TMEM117: variants seen among roughly 807,000 people sequenced by gnomAD.
The protein encoded by TMEM117 is transmembrane protein 117.
A neutral mutation model predicts 52.4 loss-of-function variants in TMEM117; 27 were observed. That is an observed-to-expected ratio of 0.51 (90% CI 0.38 to 0.71). The LOEUF (loss-of-function observed/expected upper bound fraction) is 0.71, where lower values mean the gene tolerates loss of function less well. Among genes scored for constraint, TMEM117 ranks in the 30% least tolerant of loss-of-function variants. The pLI, the probability that TMEM117 is intolerant of heterozygous loss-of-function variation, is 0.00. For synonymous variants in TMEM117, 215 were observed against 206.3 expected (o/e 1.04, Z -0.36); for missense variants, 556 against 630.5 (o/e 0.88, Z 1.26).
intron 3 of TMEM117, among the ~76,000 whole-genome samples, chr12:44,089,594 A>C (rs528302308): frequency 6.6e-6 from 1 of 152,210 alleles, no homozygotes; most frequent in South Asian, 2.1e-4. Context: ...ACTTTTGCTC[A>C]TGTGACTCTC....
intron 6 of TMEM117, among the ~76,000 whole-genome samples, chr12:44,356,836 T>G (rs936643336): frequency 6.6e-6 from 1 of 152,158 alleles, no homozygotes; most frequent in African/African-American, 2.4e-5. Context: ...AATAGCTTCT[T>G]AACACAAGAC....
chr12:44,363,025 A>G (rs1951743095), intron 6 of TMEM117, among the ~76,000 whole-genome samples: 1 of 151,892 alleles, frequency 6.6e-6, no homozygotes, highest in Non-Finnish European at 1.5e-5. Context: ...GCTGTGGTTT[A>G]ATGAGAGACA....
chr12:44,173,617 TATTATC>T (rs1949079545), intron 4 of TMEM117, among the ~76,000 whole-genome samples: 1 of 146,316 alleles, frequency 6.8e-6, no homozygotes, highest in African/African-American at 2.8e-5. Context: ...GAACCTTTCT[TATTATC>T]AGTAGGTTCT....
chr12:44,380,848 G>C (rs1338483002), intron 7 of TMEM117, among the ~76,000 whole-genome samples: 1 of 152,056 alleles, frequency 6.6e-6, no homozygotes, highest in Non-Finnish European at 1.5e-5. Context: ...CCACTATTCT[G>C]AGTTTTCTAC....
chr12:43,896,215 C>T (rs1614042), intron 2 of TMEM117, among the ~76,000 whole-genome samples: 109,073 of 152,116 alleles, frequency 0.72, 42,207 homozygotes, highest in East Asian at 0.87. Flanking sequence ...GTGTATGAGG[C>T]ACTGGAGATA....
chr12:44,092,961 T>G (rs1947698847), intron 3 of TMEM117, among the ~76,000 whole-genome samples: 1 of 151,974 alleles, frequency 6.6e-6, no homozygotes, highest in South Asian at 2.1e-4. Flanking sequence ...TAGTTTGGAG[T>G]GGGGTTTGGA....
At chr12:44,150,047 G>C (rs903443413) in intron 4 of TMEM117, among the ~76,000 whole-genome samples, 1 of 152,268 alleles carries the variant, frequency 6.6e-6, no homozygotes, top group African/African-American at 2.4e-5. Flanking sequence ...CTCTTTTGCT[G>C]TCTTTCTCTG....
At chr12:43,905,113 A>T (rs1944363809) in intron 2 of TMEM117, among the ~76,000 whole-genome samples, 1 of 151,674 alleles carries the variant, frequency 6.6e-6, no homozygotes, top group Non-Finnish European at 1.5e-5. Context: ...ATTGCACTCC[A>T]CCCTGGGCAA....
At chr12:44,377,568 G>A (rs1165594562) in intron 7 of TMEM117, among the ~76,000 whole-genome samples, 1 of 152,022 alleles carries the variant, frequency 6.6e-6, no homozygotes, top group Non-Finnish European at 1.5e-5. Flanking sequence ...ATCTAAAAAG[G>A]GCTTCCCGGA....
At chr12:44,344,057 G>C (rs1164953589) in intron 6 of TMEM117, among the ~76,000 whole-genome samples, 1 of 152,106 alleles carries the variant, frequency 6.6e-6, no homozygotes, top group African/African-American at 2.4e-5. Flanking sequence ...GTAATGGGTG[G>C]TAAATATCAA....
chr12:44,347,494 T>C (rs1353475923), intron 6 of TMEM117, among the ~76,000 whole-genome samples: 1 of 152,104 alleles, frequency 6.6e-6, no homozygotes, highest in African/African-American at 2.4e-5. Context: ...TTTTGTTATG[T>C]AGGAAACTTC....
chr12:44,102,749 G>A (rs1172070434), intron 3 of TMEM117, among the ~76,000 whole-genome samples: 1 of 151,906 alleles, frequency 6.6e-6, no homozygotes, highest in Non-Finnish European at 1.5e-5. Flanking sequence ...ATATGGTTTG[G>A]CTGTGTCCCC....
At chr12:43,940,327 C>G (rs565648762) in intron 2 of TMEM117, among the ~76,000 whole-genome samples, 1 of 152,314 alleles carries the variant, frequency 6.6e-6, no homozygotes, top group East Asian at 1.9e-4. Context: ...TTTCTTTGCA[C>G]AGGCTCCATG....
intron 6 of TMEM117, among the ~76,000 whole-genome samples, chr12:44,360,305 C>T (rs1270931497): frequency 2.6e-5 from 4 of 151,934 alleles, no homozygotes; most frequent in East Asian, 3.9e-4. Context: ...TTAGGTCGGG[C>T]GCAGTGGCTC....
At chr12:43,968,286 C>CT (rs1307562206) in intron 3 of TMEM117, among the ~76,000 whole-genome samples, 1 of 152,196 alleles carries the variant, frequency 6.6e-6, no homozygotes, top group Non-Finnish European at 1.5e-5. Context: ...TTTTAGCCGG[C>CT]TTTCTTTTCA....
chr12:44,385,231 C>T (rs913848570), intron 7 of TMEM117, among the ~76,000 whole-genome samples: 3 of 152,108 alleles, frequency 2.0e-5, no homozygotes, highest in African/African-American at 7.2e-5. Context: ...TGATGATATC[C>T]GTTAACTGAT....
the TMEM117 span, among the ~76,000 whole-genome samples, chr12:43,810,552 A>G: frequency 6.6e-6 from 1 of 152,176 alleles, no homozygotes; most frequent in East Asian, 1.9e-4. Context: ...AGATGGTGCA[A>G]GGGGAACTGT....
At chr12:44,197,439 T>C in intron 4 of TMEM117, among the ~76,000 whole-genome samples, 1 of 152,164 alleles carries the variant, frequency 6.6e-6, no homozygotes, top group Non-Finnish European at 1.5e-5. Context: ...CAAAAATAAA[T>C]GCTCAATCAT....
chr12:43,924,714 A>G (rs144233305), intron 2 of TMEM117, among the ~76,000 whole-genome samples: 2 of 152,294 alleles, frequency 1.3e-5, no homozygotes, highest in Non-Finnish European at 2.9e-5. Flanking sequence ...CCATGCTTCA[A>G]GTTCTCAAGT....
Sources: allele counts gnomAD v4.1 joint callset (sites outside exome capture counted in the v4.1 genomes callset), GRCh38; gene constraint gnomAD v4.1.1; transcripts MANE v1.5; gene names NCBI Gene and HGNC (gene_info 2026-07-23, HGNC 2026-07-21).